IL1RAPL1: variants seen among roughly 807,000 people sequenced by gnomAD.
IL1RAPL1 encodes interleukin 1 receptor accessory protein like 1.
In IL1RAPL1, 3 loss-of-function variants were observed where a neutral mutation model predicts 48.4. The observed-to-expected ratio is 0.06, with a 90% confidence interval of 0.03 to 0.16. The LOEUF is 0.16. IL1RAPL1 is among the 10% of genes least tolerant of loss of function. IL1RAPL1 has a pLI of 1.00. For missense variants in IL1RAPL1, 349 were observed against 530.6 expected (o/e 0.66, Z 3.36); for synonymous variants, 185 against 187.7 (o/e 0.99, Z 0.12).
In IL1RAPL1 at chrX:29,868,797, A is replaced by C. The variant is rs191650787; in HGVS notation, c.779-48667A>C. On this transcript the variant is annotated intron_variant, in intron 6 of 10. Coordinates refer to ENST00000378993, the MANE Select transcript of IL1RAPL1 (RefSeq NM_014271.4). ...CTTTTCACAAACATTAAACCAAAGG[A>C]ATGCTTAACTGGCAATTTTAGGTTC... Among the ~76,000 whole-genome samples the C allele has an allele frequency of 4.4e-4, 49 of 112,364 alleles. 2 individuals are homozygous for C. Among genetic ancestry groups the C allele is most frequent in the Admixed American group, 4.2e-3 (44 of 10,555 alleles).
At chrX:29,766,437 ATATATT>A (rs1340009198) in intron 6 of IL1RAPL1, among the ~76,000 whole-genome samples, 1 of 92,811 alleles carries the variant, frequency 1.1e-5, no homozygotes, top group Non-Finnish European at 2.1e-5. Context: ...CCAAATATAT[ATATATT>A]TATATGTCCA....
At chrX:29,183,680 C>T (rs1930192021) in intron 2 of IL1RAPL1, among the ~76,000 whole-genome samples, 1 of 111,862 alleles carries the variant, frequency 8.9e-6, no homozygotes, top group African/African-American at 3.3e-5. Flanking sequence ...ACTCCCATTC[C>T]CTATTTTATT....
chrX:28,703,601 T>C (rs1318646903), intron 1 of IL1RAPL1, among the ~76,000 whole-genome samples: 2 of 111,255 alleles, frequency 1.8e-5, no homozygotes, highest in Non-Finnish European at 3.8e-5. Context: ...AGAGTGATAA[T>C]CACCCCAAAG....
At chrX:28,920,843 C>T (rs988172233) in intron 2 of IL1RAPL1, among the ~76,000 whole-genome samples, 4 of 112,009 alleles carry the variant, frequency 3.6e-5, no homozygotes, top group Non-Finnish European at 7.5e-5. Flanking sequence ...AGGCAATTGT[C>T]ATGCACATGG....
intron 5 of IL1RAPL1, among the ~76,000 whole-genome samples, chrX:29,431,751 A>G (rs1046913526): frequency 1.8e-5 from 2 of 111,200 alleles, no homozygotes; most frequent in Non-Finnish European, 3.8e-5. Flanking sequence ...AAAAAGTAGC[A>G]GAGGGTTTGA....
At chrX:28,850,621 TTTCA>T (rs749647699) in intron 2 of IL1RAPL1, among the ~76,000 whole-genome samples, 1 of 111,292 alleles carries the variant, frequency 9.0e-6, no homozygotes, top group Non-Finnish European at 1.9e-5. Context: ...TCCTGTTTTC[TTTCA>T]TAGGTGTTCC....
At chrX:29,489,152 G>A (rs1935128959) in intron 5 of IL1RAPL1, among the ~76,000 whole-genome samples, 1 of 111,665 alleles carries the variant, frequency 9.0e-6, no homozygotes. Flanking sequence ...TGAGAACACA[G>A]TGTATGTGAC....
intron 5 of IL1RAPL1, among the ~76,000 whole-genome samples, chrX:29,613,375 A>T (rs1924154213): frequency 2.7e-5 from 3 of 111,306 alleles, no homozygotes; most frequent in African/African-American, 9.8e-5. Context: ...TGGCTAGATC[A>T]GGCCAAAATG....
chrX:28,882,876 T>A (rs114167136), intron 2 of IL1RAPL1, among the ~76,000 whole-genome samples: 191 of 112,053 alleles, frequency 1.7e-3, no homozygotes, highest in Non-Finnish European at 2.1e-3. Context: ...TGTTAATATG[T>A]AAATCACTTT....
chrX:29,244,752 G>T (rs980407945), intron 2 of IL1RAPL1, among the ~76,000 whole-genome samples: 2 of 112,117 alleles, frequency 1.8e-5, no homozygotes, highest in Non-Finnish European at 3.8e-5. Flanking sequence ...TTAGTTACCT[G>T]AGTATTCCAA....
intron 3 of IL1RAPL1, among the ~76,000 whole-genome samples, chrX:29,310,110 A>AGAAAGG (rs1932693651): frequency 1.2e-5 from 1 of 85,985 alleles, no homozygotes. Flanking sequence ...AAAAAAAAAA[A>AGAAAGG]AAAAAAAAAA....
chrX:29,410,929 C>T (rs1056475486), intron 5 of IL1RAPL1, among the ~76,000 whole-genome samples: 2 of 111,538 alleles, frequency 1.8e-5, no homozygotes, highest in East Asian at 2.8e-4. Flanking sequence ...CTTTGGAGTA[C>T]CACTCCTCTC....
intron 5 of IL1RAPL1, among the ~76,000 whole-genome samples, chrX:29,453,709 C>T (rs752007824): frequency 3.6e-4 from 40 of 111,722 alleles, no homozygotes; most frequent in African/African-American, 1.2e-3. Flanking sequence ...GACGTCTGTA[C>T]ATTTTTAAAG....
intron 1 of IL1RAPL1, among the ~76,000 whole-genome samples, chrX:28,610,177 G>A (rs1441780317): frequency 8.9e-6 from 1 of 111,994 alleles, no homozygotes; most frequent in Non-Finnish European, 1.9e-5. Flanking sequence ...TTACCCAACA[G>A]TACTTGGCTT....
intron 2 of IL1RAPL1, among the ~76,000 whole-genome samples, chrX:28,816,828 C>T (rs1279925707): frequency 1.8e-5 from 2 of 110,469 alleles, no homozygotes; most frequent in African/African-American, 3.3e-5. Flanking sequence ...AAGCTGCTTT[C>T]CACAGTGGCT....
At chrX:29,675,998 C>A (rs910088319) in intron 6 of IL1RAPL1, among the ~76,000 whole-genome samples, 4 of 112,115 alleles carry the variant, frequency 3.6e-5, no homozygotes, top group Non-Finnish European at 1.9e-5. Flanking sequence ...TCCTCATGAT[C>A]ATCATATTAT....
At chrX:28,664,938 TG>T (rs35128684) in intron 1 of IL1RAPL1, among the ~76,000 whole-genome samples, 43,430 of 110,593 alleles carry the variant, frequency 0.39, 6,431 homozygotes, top group South Asian at 0.55. Flanking sequence ...CAATTGTTTT[TG>T]TTCATGTAGG....
intron 1 of IL1RAPL1, among the ~76,000 whole-genome samples, chrX:28,719,472 AT>A (rs1286182004): frequency 9.0e-6 from 1 of 111,089 alleles, no homozygotes; most frequent in Non-Finnish European, 1.9e-5. Flanking sequence ...TAAAGAGTAT[AT>A]GTTTGAGGTA....
chrX:29,703,979 G>C (rs1209270078), intron 6 of IL1RAPL1, among the ~76,000 whole-genome samples: 1 of 111,688 alleles, frequency 9.0e-6, no homozygotes, highest in African/African-American at 3.3e-5. Context: ...TTAGAGTGCA[G>C]TGGCATAATC....
Sources: gnomAD v4.1 joint callset for allele counts (sites outside exome capture counted in the v4.1 genomes callset) on GRCh38, gnomAD v4.1.1 for gene constraint, MANE v1.5 for transcripts, NCBI Gene and HGNC (gene_info 2026-07-23, HGNC 2026-07-21) for gene names.